Variants in UBE2V2 observed in about 807,000 individuals in gnomAD.
The protein encoded by UBE2V2 is ubiquitin-conjugating enzyme E2 variant 2.
Under a neutral mutation model 17.2 loss-of-function variants are expected in UBE2V2, and 9 were observed. The ratio of observed to expected loss-of-function variants is 0.52; its 90% CI spans 0.32 to 0.91. UBE2V2 has a LOEUF of 0.91. UBE2V2 is among the 40% of genes least tolerant of loss of function. The probability of loss-of-function intolerance (pLI) is 0.04; values close to 1 mark genes in which losing one functional copy is unlikely to be tolerated. For synonymous variants in UBE2V2, 61 were observed against 57.5 expected (o/e 1.06, Z -0.28); for missense variants, 133 against 182.6 (o/e 0.73, Z 1.56).
intron 1 of UBE2V2, among the ~76,000 whole-genome samples, chr8:48,014,155 T>C (rs575084799): frequency 2.0e-5 from 3 of 152,216 alleles, no homozygotes; most frequent in Non-Finnish European, 4.4e-5. Flanking sequence ...TTTGGGAGCC[T>C]GAATTCTCTT....
At chr8:48,008,422 C>T (rs1281554996), upstream of UBE2V2, 6 of 1,560,420 alleles carry the variant, frequency 3.8e-6, no homozygotes, top group East Asian at 7.9e-5. Flanking sequence ...TTCGTGCGTG[C>T]GTGCGGGCGG....
chr8:48,012,167 T>C (rs1233148540), intron 1 of UBE2V2, among the ~76,000 whole-genome samples: 1 of 152,146 alleles, frequency 6.6e-6, no homozygotes, highest in Non-Finnish European at 1.5e-5. Context: ...TCTTAATTAC[T>C]CCCTTTCACA....
Position 48,061,431 on chromosome 8 carries a change from A to G in UBE2V2, c.*603A>G, listed in dbSNP as rs1802589794. The G allele has an allele frequency of 6.6e-6, 1 of 152,658 alleles. No homozygotes were observed. The highest frequency in any genetic ancestry group is 1.5e-5 in the Non-Finnish European group (1 of 68,036). 9.5% of individuals were successfully genotyped at this position (152,658 alleles called of 1,614,324 possible). A position where few individuals can be genotyped will look rare whatever the true frequency, so the allele number is the denominator to read the frequency against. On this transcript the variant is annotated 3_prime_UTR_variant, in exon 4 of 4. Transcript: ENST00000523111. ...GTTACATGTAACAGACATGGTAAAT[A>G]TTTGTTTACAGTCTTTGTTTAACAA...
At position 48,064,305 on chromosome 8, in the gene UBE2V2, G is replaced by T. The variant is rs1418932345; in HGVS notation, c.*3477G>T. The T allele has an allele frequency of 6.6e-6, 1 of 152,034 alleles. No individual in the cohort carries two copies. Among genetic ancestry groups the T allele is most frequent in the African/African-American group, 2.4e-5 (1 of 41,362 alleles). 9.4% of individuals were successfully genotyped at this position (152,034 alleles called of 1,614,324 possible). Reference sequence around the variant, plus strand: ...CAAAATGATTTTCCAGTACCAACTTGACTGGCTTTTAATTATTGTCACACA... The same window carrying T: ...CAAAATGATTTTCCAGTACCAACTTTACTGGCTTTTAATTATTGTCACACA... On this transcript the variant is annotated 3_prime_UTR_variant, in exon 4 of 4. Coordinates refer to ENST00000523111, the MANE Select transcript of UBE2V2 (RefSeq NM_003350.3).
chr8:48,014,062 C>T (rs867629097), intron 1 of UBE2V2, among the ~76,000 whole-genome samples: 12 of 152,096 alleles, frequency 7.9e-5, no homozygotes, highest in African/African-American at 2.7e-4. Context: ...GGGAACTAAA[C>T]GATAGAAGAG....
At chr8:48,060,490 T>C (rs1160688761) in intron 3 of UBE2V2, among the ~76,000 whole-genome samples, 192 bp from the exon 4 acceptor site, 1 of 152,156 alleles carries the variant, frequency 6.6e-6, no homozygotes, top group African/African-American at 2.4e-5. Flanking sequence ...TGTCTTTATA[T>C]TTTCCCAAAA....
At chr8:47,999,923 G>A in the UBE2V2 span, among the ~76,000 whole-genome samples, 1 of 152,310 alleles carries the variant, frequency 6.6e-6, no homozygotes, top group South Asian at 2.1e-4. Flanking sequence ...GAGCAAGCAG[G>A]GGGCTTGCAT....
the UBE2V2 span, among the ~76,000 whole-genome samples, chr8:47,998,874 C>T: frequency 6.6e-6 from 1 of 152,084 alleles, no homozygotes; most frequent in Non-Finnish European, 1.5e-5. Flanking sequence ...CAGCACCAAG[C>T]TTACAGAATG....
At chr8:47,999,652 G>A in the UBE2V2 span, among the ~76,000 whole-genome samples, 4 of 152,150 alleles carry the variant, frequency 2.6e-5, no homozygotes, top group African/African-American at 4.8e-5. Flanking sequence ...GAGCCACTGC[G>A]CCCAGCCCAG....
At chr8:48,025,364 A>G (rs1455598366) in intron 1 of UBE2V2, among the ~76,000 whole-genome samples, 6 of 150,488 alleles carry the variant, frequency 4.0e-5, no homozygotes, top group African/African-American at 1.5e-4. Flanking sequence ...GCAGGGTTCA[A>G]GCAATTCTCC....
rs763287995 is a variant in UBE2V2, at chr8:48,008,430, CGGCTGCGTCG to C, written c.-18_-9del. On this transcript the variant is annotated 5_prime_UTR_variant, in exon 1 of 4. Coordinates refer to ENST00000523111, the MANE Select transcript of UBE2V2 (RefSeq NM_003350.3). Reference sequence around the variant, plus strand: ...GCGACGGTTCGTGCGTGCGTGCGGGCGGCTGCGTCGGGCTGCAGGAGAAGATGGCGGTCTC... The same window carrying C: ...GCGACGGTTCGTGCGTGCGTGCGGGCGGCTGCAGGAGAAGATGGCGGTCTC... The C allele has an allele frequency of 1.3e-6, 2 of 1,562,088 alleles. No homozygotes were observed. Among genetic ancestry groups the C allele is most frequent in the African/African-American group, 2.8e-5 (2 of 70,498 alleles).
upstream of UBE2V2, among the ~76,000 whole-genome samples, chr8:48,008,142 G>T (rs1337687190): frequency 6.6e-6 from 1 of 151,920 alleles, no homozygotes; most frequent in African/African-American, 2.4e-5. Flanking sequence ...GGCTGGTTTC[G>T]AACTCCTGAC....
At chr8:48,019,979 G>T (rs901002714) in intron 1 of UBE2V2, among the ~76,000 whole-genome samples, 3 of 151,624 alleles carry the variant, frequency 2.0e-5, no homozygotes, top group African/African-American at 7.3e-5. Flanking sequence ...TGTCTAAAAA[G>T]AAAAACAAAA....
chr8:48,034,977 C>T (rs1456575475), intron 1 of UBE2V2: 2 of 975,506 alleles, frequency 2.1e-6, no homozygotes, highest in Non-Finnish European at 2.4e-6. Flanking sequence ...TCCTCACATC[C>T]CGGTGGTGTC....
intron 1 of UBE2V2, among the ~76,000 whole-genome samples, chr8:48,029,722 A>G (rs1382188700): frequency 6.6e-6 from 1 of 152,154 alleles, no homozygotes; most frequent in Non-Finnish European, 1.5e-5. Context: ...TACTGATGTA[A>G]ATGGTTATGT....
At chr8:48,039,941 G>C (rs2091450272) in intron 1 of UBE2V2, among the ~76,000 whole-genome samples, 1 of 151,940 alleles carries the variant, frequency 6.6e-6, no homozygotes, top group South Asian at 2.1e-4. Flanking sequence ...TGTTGCCCAG[G>C]CTGGTTTCCA....
At chr8:48,020,628 C>A (rs191204208) in intron 1 of UBE2V2, among the ~76,000 whole-genome samples, 1 of 151,876 alleles carries the variant, frequency 6.6e-6, no homozygotes, top group African/African-American at 2.4e-5. Context: ...TTTTTGATTC[C>A]TCGCCTTTTT....
intron 1 of UBE2V2, among the ~76,000 whole-genome samples, chr8:48,011,712 C>T (rs2091233052): frequency 6.6e-6 from 1 of 152,166 alleles, no homozygotes; most frequent in Non-Finnish European, 1.5e-5. Flanking sequence ...AATGCAGTGG[C>T]ATGCGATCAT....
At chr8:48,023,728 T>C (rs1377712021) in intron 1 of UBE2V2, among the ~76,000 whole-genome samples, 1 of 151,782 alleles carries the variant, frequency 6.6e-6, no homozygotes, top group Admixed American at 6.6e-5. Context: ...AAAAAAAAAT[T>C]AGCCAGGCAT....
Sources: allele counts gnomAD v4.1 joint callset (sites outside exome capture counted in the v4.1 genomes callset), GRCh38; gene constraint gnomAD v4.1.1; transcripts MANE v1.5; gene names NCBI Gene and HGNC (gene_info 2026-07-23, HGNC 2026-07-21).